Variants in GANC observed in about 807,000 individuals in gnomAD.
GANC encodes glucosidase alpha, neutral C, also known as neutral alpha-glucosidase C.
In GANC, 117 loss-of-function variants were observed where a neutral mutation model predicts 124.2. The ratio of observed to expected loss-of-function variants is 0.94; its 90% confidence interval spans 0.81 to 1.10. GANC has a LOEUF of 1.10. Among genes scored for constraint, GANC ranks in the 50% least tolerant of loss-of-function variants. The pLI is 0.00. For synonymous variants in GANC, 377 were observed against 376.8 expected, an observed-to-expected ratio of 1.00 and a Z score of -0.01; for missense variants, 1,140 against 1,095.0, an observed-to-expected ratio of 1.04 and a Z score of -0.58.
At chr15:42,351,923 G>T in intron 23 of GANC, 107 bp from the exon 24 acceptor site, 1 of 1,386,022 alleles carries the variant, frequency 7.2e-7, no homozygotes, top group South Asian at 1.4e-5. Flanking sequence ...TTGGAGTGGG[G>T]TATAAGGTTT....
At chr15:42,325,272 C>CA (rs1349874249) in intron 11 of GANC, among the ~76,000 whole-genome samples, 1 of 148,948 alleles carries the variant, frequency 6.7e-6, no homozygotes, top group African/African-American at 2.5e-5. Context: ...GACTCTGTCT[C>CA]AAAAAACAAA....
rs1326284478 is a variant in GANC, at chr15:42,310,388, G to T, written c.828G>T (p.Leu276=). The T allele has an allele frequency of 1.2e-6, 2 of 1,613,878 alleles. No individual in the cohort carries two copies. The highest frequency in any genetic ancestry group is 1.7e-6 in the Non-Finnish European group (2 of 1,179,900). The change falls in exon 9 of 24, where the codon CTG becomes CTT. Residue 276 remains leucine (L), a synonymous_variant. Coordinates refer to ENST00000318010, the MANE Select transcript of GANC (RefSeq NM_198141.3). ...GSVPYLLAHK[L]GRTIGIFWLN... ...TACCTTATCTCCTGGCCCACAAACT[G>T]GGCAGAACTATAGGTATTTTCTGGC...
chr15:42,349,430 A>T lies in GANC; in HGVS notation c.2466A>T (p.Gln822His). ...ATCTTGATGATGGCCATTCATTCCAATACCTCCACCAGAAGCAATTTTTGC... is the reference window on the plus strand; with the variant it reads ...ATCTTGATGATGGCCATTCATTCCATTACCTCCACCAGAAGCAATTTTTGC... ...ELYLDDGHSF[Q>H]YLHQKQFLHR... The change falls in exon 22 of 24, where the codon CAA (glutamine) becomes CAT (histidine). Residue 822 changes from glutamine (Q) to histidine (H), a missense_variant. Physicochemically the swap from Gln to His is conservative, Grantham distance 24. Coordinates refer to ENST00000318010, the MANE Select transcript of GANC (RefSeq NM_198141.3). 6.2e-7 allele frequency: 1 copy of T among 1,613,876 alleles called. No homozygotes were observed. Among genetic ancestry groups the T allele is most frequent in the Non-Finnish European group, 8.5e-7 (1 of 1,179,844 alleles).
At chr15:42,274,650 T>C in intron 1 of GANC, 140 bp downstream of exon 1, 1 of 802,340 alleles carries the variant, frequency 1.2e-6, no homozygotes, top group East Asian at 3.1e-5. Flanking sequence ...AGTTAGTTGA[T>C]ATTAATAGCC....
intron 5 of GANC, among the ~76,000 whole-genome samples, chr15:42,293,305 A>G (rs1004162339): frequency 6.6e-6 from 1 of 152,222 alleles, no homozygotes; most frequent in East Asian, 1.9e-4. Flanking sequence ...ATTTTCTGGG[A>G]CCATCTGCTT....
At chr15:42,301,018 C>CAAAA (rs113404849) in intron 6 of GANC, among the ~76,000 whole-genome samples, 1 of 140,104 alleles carries the variant, frequency 7.1e-6, no homozygotes. Context: ...AACTCCATCT[C>CAAAA]AAAAAAAAAA....
At chr15:42,350,936 A>G (rs571289049) in intron 22 of GANC, among the ~76,000 whole-genome samples, 7 of 151,458 alleles carry the variant, frequency 4.6e-5, no homozygotes, top group African/African-American at 1.7e-4. Flanking sequence ...CAGTGGTGCG[A>G]TCTCAGCTCA....
At position 42,279,948 on chromosome 15, in the gene GANC, C is replaced by T. The variant is rs994102887; in HGVS notation, c.201+1358C>T. ...TTAGAAATGGGTCCAAACTTTATTC[C>T]CAGACAGAAAGAACAATTGTACAGT... is the stretch of plus-strand genomic sequence containing the variant. On this transcript the variant is annotated intron_variant, in intron 3 of 23. Coordinates refer to ENST00000318010, the MANE Select transcript of GANC (RefSeq NM_198141.3). Among the ~76,000 whole-genome samples the T allele has an allele frequency of 3.9e-5, 6 of 152,184 alleles. No individual in the cohort carries two copies. In the East Asian group the frequency reaches 1.2e-3, roughly 29 times the overall value.
chr15:42,277,718 A>G (rs2051686279), intron 2 of GANC, among the ~76,000 whole-genome samples: 1 of 151,264 alleles, frequency 6.6e-6, no homozygotes, highest in Non-Finnish European at 1.5e-5. Flanking sequence ...CTTCTGCCTC[A>G]GCCTCCCGAC....
intron 4 of GANC, among the ~76,000 whole-genome samples, chr15:42,288,937 A>C (rs1037002068): frequency 5.3e-5 from 8 of 152,202 alleles, no homozygotes; most frequent in African/African-American, 1.9e-4. Context: ...ATCCTGAAGG[A>C]TAGTACAGCC....
chr15:42,340,734 T>C lies in GANC; in HGVS notation c.2132T>C (p.Met711Thr), dbSNP rs142995698. 55 of 1,603,132 alleles carry C rather than the reference T, an allele frequency of 3.4e-5. No homozygotes were observed. In the African/African-American group the frequency reaches 6.5e-4, roughly 19 times the overall value. ...CCTGATGAACTAAAGACTTTTGATA[T>C]GGAAGATGAATACATGCTGGGTGAG... is the stretch of plus-strand genomic sequence containing the variant. ...EFPDELKTFD[M>T]EDEYMLGSAL... The change falls in exon 18 of 24, where the codon ATG becomes ACG. Residue 711 changes from methionine to threonine, a missense_variant. Transcript: ENST00000318010.
At chr15:42,330,760 C>G (rs1035951999) in intron 15 of GANC, 88 bp downstream of exon 15, 2 of 636,940 alleles carry the variant, frequency 3.1e-6, no homozygotes, top group Non-Finnish European at 5.1e-6. Flanking sequence ...GTGCTGATGC[C>G]TTCCTTTTCC....
intron 2 of GANC, among the ~76,000 whole-genome samples, chr15:42,277,773 T>C (rs1019574007): frequency 6.6e-6 from 1 of 151,810 alleles, no homozygotes; most frequent in Non-Finnish European, 1.5e-5. Flanking sequence ...GCTAATTTTT[T>C]GTATTTTTAG....
chr15:42,341,647 T>C (rs1482640771), intron 18 of GANC, among the ~76,000 whole-genome samples: 1 of 151,932 alleles, frequency 6.6e-6, no homozygotes. Flanking sequence ...CACTGCAACC[T>C]CTGCCTCCGG....
At position 42,274,517 on chromosome 15, in the gene GANC, G is replaced by T. The variant is rs372775800; in HGVS notation, c.29+7G>T. On this transcript the variant is annotated splice_region_variant and intron_variant, in intron 1 of 23. Transcript: ENST00000318010. ...CAGTGAAAGAGGAAATAAGGTAAAGGCCAAGTGCTTCTGTAGCGAGTGACC... is the reference window on the plus strand; with the variant it reads ...CAGTGAAAGAGGAAATAAGGTAAAGTCCAAGTGCTTCTGTAGCGAGTGACC... The T allele has an allele frequency of 6.8e-5, 109 of 1,607,696 alleles. No homozygotes were observed. Among genetic ancestry groups the T allele is most frequent in the Non-Finnish European group, 9.0e-5 (106 of 1,177,332 alleles).
At chr15:42,343,013 AAG>A in intron 18 of GANC, 63 bp from the exon 19 acceptor site, 1 of 1,366,606 alleles carries the variant, frequency 7.3e-7, no homozygotes, top group East Asian at 2.3e-5. Flanking sequence ...CACTCAGTTA[AAG>A]AGAAAGGAGA....
chr15:42,290,443 A>T (rs183517076), intron 4 of GANC, among the ~76,000 whole-genome samples: 1 of 152,344 alleles, frequency 6.6e-6, no homozygotes, highest in African/African-American at 2.4e-5. Flanking sequence ...GCAGAGTTTG[A>T]TATTGCAGGT....
intron 20 of GANC, among the ~76,000 whole-genome samples, chr15:42,346,408 G>A (rs113503341): frequency 0.06 from 9,121 of 152,128 alleles, 387 homozygotes; most frequent in South Asian, 0.16. Flanking sequence ...TTTCTTTTTG[G>A]GGTGATGAAA....
At chr15:42,321,563 C>T (rs1308278766) in intron 10 of GANC, among the ~76,000 whole-genome samples, 1 of 152,188 alleles carries the variant, frequency 6.6e-6, no homozygotes, top group Non-Finnish European at 1.5e-5. Context: ...TAAACTGATG[C>T]TTAACCTGGC....
Sources: allele counts gnomAD v4.1 joint callset (sites outside exome capture counted in the v4.1 genomes callset), GRCh38; gene constraint gnomAD v4.1.1; transcripts MANE v1.5; gene names NCBI Gene and HGNC (gene_info 2026-07-23, HGNC 2026-07-21).